PTPRG: variants seen among roughly 807,000 people sequenced by gnomAD.
PTPRG encodes protein tyrosine phosphatase receptor type G.
A neutral mutation model predicts 165.3 loss-of-function variants in PTPRG; 102 were observed. The ratio of observed to expected loss-of-function variants is 0.62; its 90% CI spans 0.53 to 0.73. The LOEUF (loss-of-function observed/expected upper bound fraction) is 0.73, where lower values mean the gene tolerates loss of function less well. PTPRG is among the 30% of genes least tolerant of loss of function. The pLI, the probability that PTPRG is intolerant of heterozygous loss-of-function variation, is 0.00. For synonymous variants in PTPRG, 675 were observed against 669.5 expected, an observed-to-expected ratio of 1.01 and a Z score of -0.13; for missense variants, 1,866 against 1,861.4, an observed-to-expected ratio of 1.00 and a Z score of -0.05.
chr3:61,934,392 G>C (rs1416029654), intron 2 of PTPRG, among the ~76,000 whole-genome samples: 2 of 151,944 alleles, frequency 1.3e-5, no homozygotes, highest in Non-Finnish European at 2.9e-5. Flanking sequence ...TCTTTTCTCG[G>C]TGTGTGCATT....
intron 5 of PTPRG, among the ~76,000 whole-genome samples, chr3:62,113,650 A>G (rs977315433): frequency 8.5e-5 from 13 of 152,214 alleles, no homozygotes; most frequent in Admixed American, 1.3e-4. Context: ...TATTAAGGAA[A>G]AGGGGATCCT....
intron 1 of PTPRG, among the ~76,000 whole-genome samples, chr3:61,632,765 G>C (rs567416506): frequency 6.6e-6 from 1 of 152,292 alleles, no homozygotes; most frequent in Non-Finnish European, 1.5e-5. Context: ...ATTTCACAAA[G>C]AACTAGAGTC....
rs1193419552 is a variant in PTPRG at position 62,183,089 on chromosome 3, G to A, written c.1034-8380G>A. ...AACTGGTTTGTCTAAAACCAAAGCA[G>A]TCTGACCCTAGAGTAAGCAAGTGAA... On this transcript the variant is annotated intron_variant, in intron 8 of 29. Transcript: ENST00000474889. 3.3e-5 allele frequency among the ~76,000 whole-genome samples: 5 copies of A among 152,224 alleles called. No homozygotes were observed. In the South Asian group the frequency reaches 1.0e-3, roughly 32 times the overall value.
intron 12 of PTPRG, among the ~76,000 whole-genome samples, chr3:62,212,287 C>T (rs1197612867): frequency 1.3e-5 from 2 of 152,180 alleles, no homozygotes; most frequent in African/African-American, 4.8e-5. Context: ...CTCCTTTCCT[C>T]ATTGTCATCT....
chr3:62,007,836 G>T, intron 4 of PTPRG, among the ~76,000 whole-genome samples: 1 of 152,328 alleles, frequency 6.6e-6, no homozygotes, highest in South Asian at 2.1e-4. Flanking sequence ...CCTGAGGCAG[G>T]TGGTGTTTGT....
At chr3:61,612,663 C>T (rs1701204326) in intron 1 of PTPRG, among the ~76,000 whole-genome samples, 1 of 152,146 alleles carries the variant, frequency 6.6e-6, no homozygotes, top group African/African-American at 2.4e-5. Flanking sequence ...ATTAAAGGTG[C>T]ATTAGTGTAT....
At chr3:62,172,821 A>G (rs973776237) in intron 8 of PTPRG, among the ~76,000 whole-genome samples, 2 of 152,244 alleles carry the variant, frequency 1.3e-5, no homozygotes, top group Admixed American at 1.3e-4. Context: ...GGTATTCTCT[A>G]TCTGATAATT....
chr3:61,749,178 T>A (rs2033334610), intron 2 of PTPRG, 196 bp downstream of exon 2: 1 of 681,662 alleles, frequency 1.5e-6, no homozygotes, highest in Admixed American at 2.0e-5. Flanking sequence ...ACCACCTGTT[T>A]CCTCAACCTG....
intron 2 of PTPRG, among the ~76,000 whole-genome samples, chr3:61,780,534 G>T (rs975647412): frequency 2.6e-5 from 4 of 152,146 alleles, no homozygotes; most frequent in African/African-American, 7.2e-5. Context: ...AATTTAAAAG[G>T]TCAGTATTAA....
At chr3:61,953,466 C>A (rs1460304223) in intron 2 of PTPRG, among the ~76,000 whole-genome samples, 1 of 152,164 alleles carries the variant, frequency 6.6e-6, no homozygotes, top group Non-Finnish European at 1.5e-5. Context: ...CCTCTAGGAA[C>A]GTGAGCACTT....
intron 1 of PTPRG, among the ~76,000 whole-genome samples, chr3:61,618,889 C>G (rs1473411530): frequency 6.7e-6 from 1 of 150,062 alleles, no homozygotes; most frequent in Non-Finnish European, 1.5e-5. Context: ...CGCCTGTAAT[C>G]CCAGCACTTT....
chr3:62,286,458 TAAGTA>T (rs1702664275), intron 28 of PTPRG, among the ~76,000 whole-genome samples: 1 of 152,060 alleles, frequency 6.6e-6, no homozygotes, highest in African/African-American at 2.4e-5. Flanking sequence ...GCTACAATAA[TAAGTA>T]AATATATGAA....
intron 2 of PTPRG, among the ~76,000 whole-genome samples, chr3:61,901,997 C>T (rs1201267335): frequency 2.0e-5 from 3 of 152,138 alleles, no homozygotes; most frequent in Admixed American, 6.5e-5. Context: ...TGTAATGAAA[C>T]GTGGTAATAA....
intron 4 of PTPRG, among the ~76,000 whole-genome samples, chr3:62,048,988 T>C (rs183252942): frequency 6.6e-6 from 1 of 152,234 alleles, no homozygotes; most frequent in Non-Finnish European, 1.5e-5. Flanking sequence ...GGATACAATA[T>C]GTAACTGAAT....
intron 1 of PTPRG, among the ~76,000 whole-genome samples, chr3:61,676,623 T>G (rs190171910): frequency 6.6e-6 from 1 of 152,016 alleles, no homozygotes; most frequent in African/African-American, 2.4e-5. Flanking sequence ...CGCCTTGATA[T>G]ATTTTAACGT....
intron 14 of PTPRG, among the ~76,000 whole-genome samples, chr3:62,235,717 C>T (rs115777315): frequency 0.01 from 1,560 of 152,326 alleles, 14 homozygotes; most frequent in Non-Finnish European, 0.017. Flanking sequence ...TACCAAAAGT[C>T]GACTAGGCCA....
At chr3:61,844,715 G>C (rs2036756931) in intron 2 of PTPRG, among the ~76,000 whole-genome samples, 1 of 151,528 alleles carries the variant, frequency 6.6e-6, no homozygotes, top group African/African-American at 2.4e-5. Flanking sequence ...ATTGAACAGG[G>C]TGGTCTCGAA....
intron 28 of PTPRG, among the ~76,000 whole-genome samples, chr3:62,286,186 C>T (rs890072923): frequency 2.6e-5 from 4 of 152,102 alleles, no homozygotes; most frequent in African/African-American, 9.7e-5. Flanking sequence ...TGACACAAGG[C>T]ATATGGACTG....
chr3:61,624,750 A>G (rs772306480), intron 1 of PTPRG, among the ~76,000 whole-genome samples: 1 of 151,728 alleles, frequency 6.6e-6, no homozygotes, highest in Non-Finnish European at 1.5e-5. Flanking sequence ...GTGATAGTGC[A>G]TACACAGTAC....
Sources: allele counts gnomAD v4.1 joint callset (sites outside exome capture counted in the v4.1 genomes callset), GRCh38; gene constraint gnomAD v4.1.1; transcripts MANE v1.5; gene names NCBI Gene and HGNC (gene_info 2026-07-23, HGNC 2026-07-21).